CD160: variants seen among roughly 807,000 people sequenced by gnomAD.
CD160 encodes the protein CD160 antigen.
In CD160, 11 loss-of-function variants were observed where a neutral mutation model predicts 19.2. The ratio of observed to expected loss-of-function variants is 0.57; its 90% CI spans 0.36 to 0.95. The LOEUF (loss-of-function observed/expected upper bound fraction) is 0.95. Ranked by LOEUF, CD160 falls within the 40% of genes least tolerant of loss-of-function variation. The pLI is 0.01. For synonymous variants in CD160, 75 were observed against 81.1 expected, an observed-to-expected ratio of 0.93 and a Z score of 0.40; for missense variants, 182 against 213.2, an observed-to-expected ratio of 0.85 and a Z score of 0.91.
intron 2 of CD160, among the ~76,000 whole-genome samples, chr1:145,725,275 G>A (rs1487746919): frequency 1.3e-5 from 2 of 151,742 alleles, no homozygotes; most frequent in Admixed American, 6.6e-5. Flanking sequence ...AAAATTAGCC[G>A]AGCGCAGTGG....
intron 1 of CD160, among the ~76,000 whole-genome samples, chr1:145,721,779 C>G (rs997170667): frequency 9.2e-5 from 14 of 152,264 alleles, no homozygotes; most frequent in Non-Finnish European, 1.3e-4. Context: ...CACCAGCTCC[C>G]GAGAGCCCAC....
intron 1 of CD160, among the ~76,000 whole-genome samples, chr1:145,722,529 T>G (rs1656893314): frequency 1.3e-5 from 2 of 152,250 alleles, no homozygotes; most frequent in African/African-American, 4.8e-5. Context: ...AGGCTGAGCA[T>G]AGCGCCTGGC....
intron 4 of CD160, among the ~76,000 whole-genome samples, chr1:145,735,034 G>C (rs1253259379): frequency 2.0e-5 from 3 of 152,126 alleles, no homozygotes; most frequent in Admixed American, 1.3e-4. Context: ...TTGAACCCGG[G>C]AAGCAGAGGT....
In CD160 at chr1:145,736,043, T is replaced by G; in HGVS notation, c.447T>G (p.Leu149=). 6.2e-7 allele frequency: 1 copy of G among 1,614,012 alleles called. No individual in the cohort carries two copies. The change falls in exon 5 of 6, where the codon CTT becomes CTG. Residue 149 remains leucine (L), a synonymous_variant. Transcript: ENST00000369288. ...TVTGLKQRQH[L]EFSHNEGTLS... ...CGGGATTGAAACAAAGACAACACCT[T>G]GAGTTCAGCCATAATGAAGGCACTC...
intron 2 of CD160, 58 bp from the exon 3 acceptor site, chr1:145,728,198 G>C: frequency 1.5e-6 from 1 of 662,340 alleles, no homozygotes; most frequent in Non-Finnish European, 2.7e-6. Context: ...GCCTGGGATG[G>C]GGAAATGGTC....
At position 145,727,678 on chromosome 1, in the gene CD160, T is replaced by C. The variant is rs1250007215; in HGVS notation, c.-72-578T>C. 2.0e-5 allele frequency among the ~76,000 whole-genome samples: 3 copies of C among 152,136 alleles called. No individual in the cohort carries two copies. The East Asian group carries it at 5.8e-4, about 29-fold the overall frequency. On this transcript the variant is annotated intron_variant, in intron 2 of 5. Transcript: ENST00000369288. ...TAAAAAAATGGCAGATGGGTTAATA[T>C]CTCTAATACGGAGAAAGTGCCTAAA... is the stretch of plus-strand genomic sequence containing the variant.
rs1485469767 is a variant in CD160 at position 145,727,410 on chromosome 1, T to C, written c.-72-846T>C. On this transcript the variant is annotated intron_variant, in intron 2 of 5. Coordinates refer to ENST00000369288, the MANE Select transcript of CD160 (RefSeq NM_007053.4). ...CAGTTTGTTTATTTTGAAACAGGAG[T>C]AATTTTTCTTAGCCAGGATTAGAAG... is the stretch of plus-strand genomic sequence containing the variant. Among the ~76,000 whole-genome samples the C allele has an allele frequency of 2.6e-5, 4 of 152,042 alleles. No individual in the cohort carries two copies. In the South Asian group the frequency reaches 6.2e-4, roughly 24 times the overall value.
At chr1:145,735,607 C>CA (rs1210749396) in intron 4 of CD160, among the ~76,000 whole-genome samples, 4 of 151,860 alleles carry the variant, frequency 2.6e-5, no homozygotes, top group Non-Finnish European at 5.9e-5. Flanking sequence ...ACAAAACAAA[C>CA]AAACAAACAA....
chr1:145,730,190 C>CTAACACTA (rs1657230079), intron 3 of CD160, among the ~76,000 whole-genome samples: 1 of 152,114 alleles, frequency 6.6e-6, no homozygotes, highest in Admixed American at 6.5e-5. Context: ...CATAGTGGTG[C>CTAACACTA]ATACCTGTAG....
intron 1 of CD160, among the ~76,000 whole-genome samples, chr1:145,722,760 T>G (rs1162353816): frequency 1.3e-5 from 2 of 151,778 alleles, no homozygotes; most frequent in African/African-American, 4.8e-5. Flanking sequence ...CCCGGCTAAT[T>G]TTTTGTATTT....
chr1:145,728,327 G>T lies in CD160; in HGVS notation c.-1G>T, dbSNP rs1394341672. 1 of 1,610,932 alleles carries T rather than the reference G, an allele frequency of 6.2e-7. No homozygotes were observed. Among genetic ancestry groups the T allele is most frequent in the Non-Finnish European group, 8.5e-7 (1 of 1,178,058 alleles). ...TCCTGGGCCTGCTGACAGCGTGCAG[G>T]ATGCTGTTGGAACCCGGCAGAGGCT... On this transcript the variant is annotated 5_prime_UTR_variant, in exon 3 of 6. Coordinates refer to ENST00000369288, the MANE Select transcript of CD160 (RefSeq NM_007053.4).
chr1:145,730,940 AATAT>A lies in CD160; in HGVS notation c.271_274del (p.Ile91HisfsTer4), dbSNP rs1657265578. The A allele has an allele frequency of 6.2e-7, 1 of 1,614,024 alleles. No homozygotes were observed. On this transcript the variant is annotated frameshift_variant, in exon 4 of 6. Coordinates refer to ENST00000369288, the MANE Select transcript of CD160 (RefSeq NM_007053.4). LOFTEE classifies it high-confidence loss of function. ...ATCCTGGGATAGATGGTGTTGGTGA[AATAT>A]CATCTCAGTTGATGTTCACCATAAG...
chr1:145,738,458 G>C, intron 5 of CD160, 28 bp from the exon 6 acceptor site: 1 of 1,315,980 alleles, frequency 7.6e-7, no homozygotes, highest in South Asian at 3.0e-5. Context: ...TAAGTTATAA[G>C]GCAGTAATAC....
rs921054293 is a variant in CD160, at chr1:145,729,960, T to A, written c.74-784T>A. On this transcript the variant is annotated intron_variant, in intron 3 of 5. Transcript: ENST00000369288. ...GCTTCAGACTCAGGAATCTCTAAGATTCCTCAATTATAATAACTGTGGAAT... is the reference window on the plus strand; with the variant it reads ...GCTTCAGACTCAGGAATCTCTAAGAATCCTCAATTATAATAACTGTGGAAT... Among the ~76,000 whole-genome samples the A allele has an allele frequency of 6.6e-5, 10 of 152,206 alleles. No homozygotes were observed. In the East Asian group the frequency reaches 1.5e-3, roughly 23 times the overall value.
intron 1 of CD160, among the ~76,000 whole-genome samples, chr1:145,723,846 G>A (rs189975620): frequency 1.6e-4 from 25 of 152,120 alleles, no homozygotes; most frequent in African/African-American, 6.0e-4. Context: ...CCAAAGTGCT[G>A]GGATTACAGG....
chr1:145,720,121 T>C (rs587754665), intron 1 of CD160, among the ~76,000 whole-genome samples: 1 of 152,342 alleles, frequency 6.6e-6, no homozygotes, highest in South Asian at 2.1e-4. Context: ...AAAACACAAA[T>C]ATTTTCAAAT....
chr1:145,723,644 C>T (rs782105912), intron 1 of CD160, among the ~76,000 whole-genome samples: 11 of 152,024 alleles, frequency 7.2e-5, no homozygotes, highest in Admixed American at 1.3e-4. Flanking sequence ...AGTGCAGTGG[C>T]GTGATCTTGG....
At chr1:145,721,863 G>A (rs959532060) in intron 1 of CD160, among the ~76,000 whole-genome samples, 7 of 152,224 alleles carry the variant, frequency 4.6e-5, no homozygotes, top group Admixed American at 4.6e-4. Flanking sequence ...TTTCTCCTGT[G>A]CTGCCCCTTG....
intron 4 of CD160, among the ~76,000 whole-genome samples, chr1:145,732,628 T>TA (rs1657340746): frequency 6.6e-6 from 1 of 152,098 alleles, no homozygotes; most frequent in African/African-American, 2.4e-5. Flanking sequence ...GGAATCGACA[T>TA]ATCATCTTTC....
Sources: gnomAD v4.1 joint callset for allele counts (sites outside exome capture counted in the v4.1 genomes callset) on GRCh38, gnomAD v4.1.1 for gene constraint, MANE v1.5 for transcripts, NCBI Gene and HGNC (gene_info 2026-07-23, HGNC 2026-07-21) for gene names.